The following CR1L variants were observed in gnomAD, a reference collection of about 807,000 sequenced individuals.
CR1L encodes complement component receptor 1-like protein.
CR1L carries 59 observed loss-of-function variants against 62.3 expected under a neutral mutation model. The ratio of observed to expected loss-of-function variants is 0.95; its 90% confidence interval spans 0.77 to 1.18. CR1L has a LOEUF of 1.18. CR1L is among the 50% of genes most tolerant of loss of function. CR1L has a pLI of 0.00. For missense variants in CR1L, 700 were observed against 702.8 expected (o/e 1.00, Z 0.04); for synonymous variants, 279 against 248.7 (o/e 1.12, Z -1.15).
rs114070289 is a variant in CR1L, at chr1:207,717,452, T to C, written c.1415-12T>C. On this transcript the variant is annotated splice_polypyrimidine_tract_variant and intron_variant, in intron 10 of 11. Transcript: ENST00000508064. ...CTCTAATAGAACTTAAAAGCTCTTG[T>C]TTTCTTTCTAGAAATCTTTTGTCCA... The C allele has an allele frequency of 1.5e-3, 2,495 of 1,611,814 alleles. 31 individuals carry two copies. The African/African-American group carries it at 0.03, about 20-fold the overall frequency.
In CR1L at chr1:207,697,752, C is replaced by A. The variant is rs374658385; in HGVS notation, c.1040-19C>A. On this transcript the variant is annotated intron_variant, in intron 6 of 11. Transcript: ENST00000508064. ...TCTCCACATGCCAGTTATTTCTGTT[C>A]GTTTTTCTTTTTTTCCAGTGAAATC... is the stretch of plus-strand genomic sequence containing the variant. 6.2e-7 allele frequency: 1 copy of A among 1,613,942 alleles called. No individual in the cohort carries two copies. Among genetic ancestry groups the A allele is most frequent in the South Asian group, 1.1e-5 (1 of 91,078 alleles).
In CR1L at chr1:207,694,436, G is replaced by T. The variant is rs1057166742; in HGVS notation, c.547G>T (p.Val183Leu). ...AGAGTATTTTCACTATGGATCAGTG[G>T]TGACCTACCACTGCAATCTTGGAAG... is the stretch of plus-strand genomic sequence containing the variant. ...SREYFHYGSV[V>L]TYHCNLGSRG... Residue 183 changes from valine (V) to leucine (L), a missense_variant, in exon 5 of 12, where the codon GTG becomes TTG. Physicochemically the swap from Val to Leu is conservative, Grantham distance 32. Coordinates refer to ENST00000508064, the MANE Select transcript of CR1L (RefSeq NM_175710.2). The T allele has an allele frequency of 6.2e-7, 1 of 1,613,898 alleles. No homozygotes were observed. Among genetic ancestry groups the T allele is most frequent in the Non-Finnish European group, 8.5e-7 (1 of 1,179,902 alleles).
At chr1:207,667,675 A>G (rs1663543535) in intron 1 of CR1L, among the ~76,000 whole-genome samples, 1 of 152,220 alleles carries the variant, frequency 6.6e-6, no homozygotes, top group Non-Finnish European at 1.5e-5. Context: ...AAATTGGCTC[A>G]TAATGATTGT....
intron 10 of CR1L, chr1:207,710,904 G>T: frequency 9.8e-7 from 1 of 1,021,100 alleles, no homozygotes; most frequent in Non-Finnish European, 1.4e-6. Context: ...AGTAAGTTTT[G>T]GGGGAAGAAG....
intron 8 of CR1L, among the ~76,000 whole-genome samples, chr1:207,699,983 T>C (rs1172153742): frequency 6.6e-6 from 1 of 152,210 alleles, no homozygotes; most frequent in Non-Finnish European, 1.5e-5. Context: ...ATTCTCAAAA[T>C]ATGTACCTAA....
intron 10 of CR1L, among the ~76,000 whole-genome samples, chr1:207,714,476 C>G (rs1200212957): frequency 6.6e-6 from 1 of 152,068 alleles, no homozygotes; most frequent in Non-Finnish European, 1.5e-5. Context: ...GCTTGAAGGT[C>G]GGGTTTCACC....
At position 207,697,600 on chromosome 1, in the gene CR1L, C is replaced by T. The variant is rs142447304; in HGVS notation, c.960C>T (p.Pro320=). ...PGQEVFYSCE[P]GYDLRGSTYL... ...AGGAAGTGTTCTACAGCTGTGAGCCCGGCTACGACCTCAGAGGATCTACGT... is the reference window on the plus strand; with the variant it reads ...AGGAAGTGTTCTACAGCTGTGAGCCTGGCTACGACCTCAGAGGATCTACGT... The change falls in exon 6 of 12, where the codon CCC becomes CCT. Residue 320 remains proline, a synonymous_variant. Transcript: ENST00000508064. The T allele has an allele frequency of 6.3e-3, 10,165 of 1,613,880 alleles. 49 individuals are homozygous for T. Among genetic ancestry groups the T allele is most frequent in the Non-Finnish European group, 7.2e-3 (8,481 of 1,179,822 alleles).
chr1:207,663,661 A>T (rs2102447730), intron 1 of CR1L, among the ~76,000 whole-genome samples: 1 of 152,300 alleles, frequency 6.6e-6, no homozygotes, highest in East Asian at 1.9e-4. Context: ...TGCACTCCCC[A>T]GTGAGATGAA....
At position 207,701,411 on chromosome 1, in the gene CR1L, A is replaced by T. The variant is rs1664189747; in HGVS notation, c.1229-108A>T. 4.6e-5 allele frequency: 65 copies of T among 1,412,182 alleles called. 3 individuals are homozygous for T. In the South Asian group the frequency reaches 7.4e-4, roughly 16 times the overall value. The allele number at this position is 1,412,182 out of a possible 1,614,324, so 87.5% of individuals were successfully genotyped here. A position where few individuals can be genotyped will look rare whatever the true frequency, so the allele number is the denominator to read the frequency against. On this transcript the variant is annotated intron_variant, in intron 8 of 11. Coordinates refer to ENST00000508064, the MANE Select transcript of CR1L (RefSeq NM_175710.2). Reference sequence around the variant, plus strand: ...TCAAGGTGCCAAAATCTGTGGAACTATCAGAACTGCGTGTTTTCTTCAGGA... The same window carrying T: ...TCAAGGTGCCAAAATCTGTGGAACTTTCAGAACTGCGTGTTTTCTTCAGGA...
intron 11 of CR1L, 46 bp downstream of exon 11, chr1:207,717,737 G>A (rs775883260): frequency 6.3e-7 from 1 of 1,595,238 alleles, no homozygotes; most frequent in Admixed American, 1.7e-5. Flanking sequence ...AGAATATGTA[G>A]GTGAGAACCT....
rs1253467770 is a variant in CR1L at position 207,694,289 on chromosome 1, GT to G, written c.464-61del. 2.5e-6 allele frequency: 4 copies of G among 1,580,888 alleles called. No homozygotes were observed. In the Admixed American group the frequency reaches 6.9e-5, roughly 27 times the overall value. ...AATAATGAATGTAAAAATAGTTACA[GT>G]TTAGTGACTCGTGAGATTTTTGTCA... is the stretch of plus-strand genomic sequence containing the variant. On this transcript the variant is annotated intron_variant, in intron 4 of 11. Transcript: ENST00000508064.
intron 9 of CR1L, among the ~76,000 whole-genome samples, chr1:207,707,638 C>T (rs1376782219): frequency 6.6e-6 from 1 of 151,372 alleles, no homozygotes; most frequent in Non-Finnish European, 1.5e-5. Context: ...AAAAAACAAA[C>T]AAACAAACAA....
At chr1:207,723,468 G>C in intron 11 of CR1L, 150 bp from the exon 12 acceptor site, 2 of 608,782 alleles carry the variant, frequency 3.3e-6, no homozygotes, top group South Asian at 2.6e-5. Context: ...GGTAAAATGA[G>C]AGTATATGAG....
At position 207,648,224 on chromosome 1, in the gene CR1L, G is replaced by GAAA. The variant is rs765424533; in HGVS notation, c.97+2906_97+2908dup. Among the ~76,000 whole-genome samples, 46 of 100,828 alleles carry GAAA rather than the reference G, an allele frequency of 4.6e-4. No individual in the cohort carries two copies. The South Asian group carries it at 5.0e-3, about 11-fold the overall frequency. 66.1% of individuals were successfully genotyped at this position (100,828 alleles called of 152,430 possible). On this transcript the variant is annotated intron_variant, in intron 1 of 11. Transcript: ENST00000508064. ...ACACACAGACACACACACACACACA[G>GAAA]AAAAAAAAAAAAAACCTGGAAGTTG...
chr1:207,661,316 A>G (rs80209102), intron 1 of CR1L, among the ~76,000 whole-genome samples: 26,950 of 152,096 alleles, frequency 0.18, 2,984 homozygotes, highest in Non-Finnish European at 0.26. Context: ...TGCTTTATGA[A>G]TCTGGGTGCT....
At chr1:207,662,914 C>CT (rs1195852710) in intron 1 of CR1L, among the ~76,000 whole-genome samples, 1 of 152,208 alleles carries the variant, frequency 6.6e-6, no homozygotes, top group Non-Finnish European at 1.5e-5. Flanking sequence ...GAGGTCCACT[C>CT]TAGACCCTGT....
intron 9 of CR1L, among the ~76,000 whole-genome samples, chr1:207,707,784 T>TGACACACA (rs1558024543): frequency 2.1e-3 from 104 of 48,664 alleles, no homozygotes; most frequent in African/African-American, 9.4e-3. Flanking sequence ...TGGCATAGTA[T>TGACACACA]TACACACACA....
intron 7 of CR1L, 58 bp downstream of exon 7, chr1:207,697,931 A>T: frequency 6.2e-7 from 1 of 1,610,366 alleles, no homozygotes; most frequent in South Asian, 1.1e-5. Flanking sequence ...GAATTAGTCC[A>T]AAAAGGGGAG....
chr1:207,701,224 T>C (rs1269858857), intron 8 of CR1L, among the ~76,000 whole-genome samples: 1 of 152,190 alleles, frequency 6.6e-6, no homozygotes, highest in Non-Finnish European at 1.5e-5. Flanking sequence ...TTTGAAAACT[T>C]TATTGGTAGT....
Sources: gnomAD v4.1 joint callset for allele counts (sites outside exome capture counted in the v4.1 genomes callset) on GRCh38, gnomAD v4.1.1 for gene constraint, MANE v1.5 for transcripts, NCBI Gene and HGNC (gene_info 2026-07-23, HGNC 2026-07-21) for gene names.